Variants in STIMATE observed in about 807,000 individuals in gnomAD.
STIMATE encodes store-operated calcium entry regulator STIMATE.
Under a neutral mutation model 36.7 loss-of-function variants are expected in STIMATE, and 15 were observed. The observed-to-expected ratio is 0.41, with a 90% CI of 0.27 to 0.63. The LOEUF (loss-of-function observed/expected upper bound fraction) is 0.63. Ranked by LOEUF, STIMATE falls within the 20% of genes least tolerant of loss-of-function variation. STIMATE has a pLI of 0.32. For synonymous variants in STIMATE, 163 were observed against 162.3 expected (o/e 1.00, Z -0.03); for missense variants, 305 against 397.3 (o/e 0.77, Z 1.98).
chr3:52,870,706 GTCT>G (rs771322405), intron 1 of STIMATE, among the ~76,000 whole-genome samples: 23 of 152,286 alleles, frequency 1.5e-4, no homozygotes, highest in African/African-American at 5.5e-4. Context: ...GGTCAAGCGA[GTCT>G]TCTTCTCCCG....
chr3:52,880,798 T>C (rs879576595), intron 1 of STIMATE, among the ~76,000 whole-genome samples: 4 of 152,236 alleles, frequency 2.6e-5, no homozygotes, highest in African/African-American at 4.8e-5. Context: ...CCACATGCAA[T>C]TCAAAGGCTC....
At chr3:52,844,462 G>A (rs975294713) in intron 5 of STIMATE, among the ~76,000 whole-genome samples, 25 of 152,240 alleles carry the variant, frequency 1.6e-4, no homozygotes, top group East Asian at 1.9e-4. Context: ...GAAGCTGCCC[G>A]TGGCACCACA....
chr3:52,853,737 A>C (rs1445665658), intron 2 of STIMATE, among the ~76,000 whole-genome samples: 2 of 152,224 alleles, frequency 1.3e-5, no homozygotes, highest in Non-Finnish European at 2.9e-5. Flanking sequence ...AACGGGGGGA[A>C]AATAAAAAGA....
At chr3:52,843,331 T>C (rs1455671364) in intron 6 of STIMATE, among the ~76,000 whole-genome samples, 1 of 152,196 alleles carries the variant, frequency 6.6e-6, no homozygotes, top group Non-Finnish European at 1.5e-5. Flanking sequence ...CCAGCTTCCC[T>C]CACCACTTCT....
chr3:52,841,919 A>G (rs1042692772), intron 7 of STIMATE: 1 of 152,210 alleles, frequency 6.6e-6, no homozygotes, highest in Admixed American at 6.5e-5. Context: ...AAGCTCTCAT[A>G]TGACAGGTGC....
rs1010171066 is a variant in STIMATE, at chr3:52,840,289, C to T, written c.*205G>A. The T allele has an allele frequency of 3.7e-6, 2 of 533,620 alleles. No individual in the cohort carries two copies. Among genetic ancestry groups the T allele is most frequent in the African/African-American group, 1.9e-5 (1 of 52,338 alleles). 33.1% of individuals were successfully genotyped at this position (533,620 alleles called of 1,614,324 possible). On this transcript the variant is annotated 3_prime_UTR_variant, in exon 8 of 8. Transcript: ENST00000355083. ...AGTGCAACTGAATGGGGACCTCCAG[C>T]CGCCAGTGGCCCCCTCGGGCGCTGG...
intron 1 of STIMATE, among the ~76,000 whole-genome samples, chr3:52,875,074 T>C (rs1339128573): frequency 6.6e-6 from 1 of 152,202 alleles, no homozygotes; most frequent in Non-Finnish European, 1.5e-5. Flanking sequence ...CTAGGATCAC[T>C]GCTGCGCTGT....
At chr3:52,845,407 C>T (rs1320575244) in intron 4 of STIMATE, among the ~76,000 whole-genome samples, 2 of 152,164 alleles carry the variant, frequency 1.3e-5, no homozygotes, top group African/African-American at 4.8e-5. Flanking sequence ...TGTTTGTCTC[C>T]CACCTCCCCA....
intron 1 of STIMATE, among the ~76,000 whole-genome samples, chr3:52,870,127 C>A (rs781542531): frequency 6.6e-6 from 1 of 152,078 alleles, no homozygotes; most frequent in Non-Finnish European, 1.5e-5. Context: ...ACATCATGCC[C>A]GGTTAATTTT....
intron 1 of STIMATE, among the ~76,000 whole-genome samples, chr3:52,863,079 A>T (rs6773650): frequency 0.38 from 57,350 of 152,000 alleles, 11,118 homozygotes; most frequent in Admixed American, 0.5. Context: ...ACAGTGAGAA[A>T]ACATTTCTGC....
intron 1 of STIMATE, among the ~76,000 whole-genome samples, chr3:52,876,739 A>C (rs1201015475): frequency 6.6e-6 from 1 of 152,228 alleles, no homozygotes; most frequent in Admixed American, 6.5e-5. Flanking sequence ...AGAATACCAT[A>C]TATAATACAT....
intron 1 of STIMATE, among the ~76,000 whole-genome samples, chr3:52,863,826 C>T (rs4687559): frequency 0.25 from 37,883 of 152,170 alleles, 5,024 homozygotes; most frequent in Admixed American, 0.37. Flanking sequence ...GTCCGAAATC[C>T]AGCTGGGCAG....
chr3:52,889,258 T>C (rs1323042888), intron 1 of STIMATE, among the ~76,000 whole-genome samples: 2 of 152,188 alleles, frequency 1.3e-5, no homozygotes, highest in Admixed American at 1.3e-4. Context: ...AGATGTTCTA[T>C]AGCAAAGCCC....
intron 1 of STIMATE, among the ~76,000 whole-genome samples, chr3:52,892,350 T>C (rs1204673982): frequency 6.6e-6 from 1 of 152,238 alleles, no homozygotes; most frequent in Non-Finnish European, 1.5e-5. Flanking sequence ...CAGATTGCCA[T>C]TATGGATAAA....
chr3:52,892,868 T>C (rs565266965), intron 1 of STIMATE, among the ~76,000 whole-genome samples: 2 of 152,292 alleles, frequency 1.3e-5, no homozygotes, highest in South Asian at 4.1e-4. Flanking sequence ...GCGCCGCTTA[T>C]GGCGTGTTCT....
intron 1 of STIMATE, among the ~76,000 whole-genome samples, chr3:52,870,508 G>T (rs9836499): frequency 0.57 from 86,466 of 150,588 alleles, 25,290 homozygotes; most frequent in Middle Eastern, 0.64. Flanking sequence ...GCACACGAGA[G>T]TGGCAACAGG....
intron 7 of STIMATE, 123 bp downstream of exon 7, chr3:52,842,688 T>C: frequency 6.5e-7 from 1 of 1,533,462 alleles, no homozygotes; most frequent in Non-Finnish European, 8.8e-7. Flanking sequence ...CCTCTTCTCC[T>C]GCCCTCTGGC....
intron 1 of STIMATE, among the ~76,000 whole-genome samples, chr3:52,890,265 C>T (rs367976747): frequency 6.6e-6 from 1 of 152,230 alleles, no homozygotes; most frequent in African/African-American, 2.4e-5. Flanking sequence ...CATCCAATAG[C>T]GGGCTTGGCA....
intron 3 of STIMATE, among the ~76,000 whole-genome samples, chr3:52,851,195 C>T (rs1700991005): frequency 6.6e-6 from 1 of 152,230 alleles, no homozygotes; most frequent in Non-Finnish European, 1.5e-5. Flanking sequence ...CTTTTCCACT[C>T]ACCCTCTCTT....
Sources: gnomAD v4.1 joint callset for allele counts (sites outside exome capture counted in the v4.1 genomes callset) on GRCh38, gnomAD v4.1.1 for gene constraint, MANE v1.5 for transcripts, NCBI Gene and HGNC (gene_info 2026-07-23, HGNC 2026-07-21) for gene names.